Variants in TCF20 observed in about 807,000 individuals in gnomAD.
TCF20 encodes transcription factor 20.
In TCF20, 3 loss-of-function variants were observed where a neutral mutation model predicts 148.6. That is an observed-to-expected ratio of 0.02 (90% confidence interval 0.01 to 0.05). TCF20 has a LOEUF of 0.05. TCF20 is among the 10% of genes least tolerant of loss of function. TCF20 has a pLI of 1.00. For synonymous variants in TCF20, 1,049 were observed against 909.5 expected, an observed-to-expected ratio of 1.15 and a Z score of -2.76; for missense variants, 2,350 against 2,429.3, an observed-to-expected ratio of 0.97 and a Z score of 0.69.
intron 1 of TCF20, among the ~76,000 whole-genome samples, chr22:42,243,934 G>A (rs1252322611): frequency 2.0e-5 from 3 of 152,148 alleles, no homozygotes; most frequent in African/African-American, 7.2e-5. Context: ...TGATGATGTG[G>A]AGAGACTGGA....
At chr22:42,234,573 T>C (rs930734881) in intron 1 of TCF20, among the ~76,000 whole-genome samples, 8 of 152,126 alleles carry the variant, frequency 5.3e-5, no homozygotes, top group Admixed American at 3.9e-4. Context: ...AATTCCAAAA[T>C]ACCAAGAAAC....
intron 1 of TCF20, among the ~76,000 whole-genome samples, chr22:42,236,757 G>C (rs1409223051): frequency 6.6e-6 from 1 of 152,184 alleles, no homozygotes; most frequent in Admixed American, 6.5e-5. Flanking sequence ...TCTGGTTCCA[G>C]ACCGTGGCAA....
chr22:42,169,751 G>A lies in TCF20; in HGVS notation c.5799+96C>T, dbSNP rs529563165. The A allele has an allele frequency of 2.0e-5, 26 of 1,316,904 alleles. No individual in the cohort carries two copies. The East Asian group carries it at 4.6e-4, about 23-fold the overall frequency. The allele number at this position is 1,316,904 out of a possible 1,614,324, so 81.6% of individuals were successfully genotyped here. A position where few individuals can be genotyped will look rare whatever the true frequency, so the allele number is the denominator to read the frequency against. Reference sequence around the variant, plus strand: ...GCCGGAGGCACAGGTGGGGACAGGTGTGGGTGAGGCCCACCAACACCTGGT... The same window carrying A: ...GCCGGAGGCACAGGTGGGGACAGGTATGGGTGAGGCCCACCAACACCTGGT... On this transcript the variant is annotated intron_variant, in intron 4 of 5. Coordinates refer to ENST00000677622, the MANE Select transcript of TCF20 (RefSeq NM_001378418.1).
At chr22:42,196,897 C>A (rs1937621764) in intron 2 of TCF20, among the ~76,000 whole-genome samples, 1 of 152,108 alleles carries the variant, frequency 6.6e-6, no homozygotes, top group South Asian at 2.1e-4. Flanking sequence ...TTCTGTTGAC[C>A]CTGGTATTGT....
At chr22:42,173,399 G>A (rs573493626) in intron 3 of TCF20, among the ~76,000 whole-genome samples, 2 of 152,242 alleles carry the variant, frequency 1.3e-5, no homozygotes, top group East Asian at 3.9e-4. Context: ...GGTGGCAGGA[G>A]TCACAGATCA....
chr22:42,162,364 G>T (rs955647990), intron 5 of TCF20, among the ~76,000 whole-genome samples: 1 of 152,056 alleles, frequency 6.6e-6, no homozygotes, highest in Non-Finnish European at 1.5e-5. Context: ...GACAGAGCTG[G>T]ACTATGTTAA....
intron 1 of TCF20, among the ~76,000 whole-genome samples, chr22:42,307,048 A>T (rs2065687768): frequency 1.3e-5 from 2 of 150,916 alleles, no homozygotes; most frequent in African/African-American, 4.9e-5. Flanking sequence ...TAAAAAAAAA[A>T]AAAAAAAAAA....
In TCF20 at chr22:42,297,889, C is replaced by G. The variant is rs1470117206; in HGVS notation, c.-37+45590G>C. On this transcript the variant is annotated intron_variant, in intron 1 of 1. Transcript: ENST00000515426. The surrounding 1 kb of genome is among the most constrained non-coding windows in gnomAD (Gnocchi z 4.3). ...GGTTCACAGCAGGGCTCCTCTCTGGCACCCATGCAGAGCAGGCAAGGATGA... is the reference window on the plus strand; with the variant it reads ...GGTTCACAGCAGGGCTCCTCTCTGGGACCCATGCAGAGCAGGCAAGGATGA... Among the ~76,000 whole-genome samples the G allele has an allele frequency of 6.6e-6, 1 of 152,172 alleles. No individual in the cohort carries two copies. The highest frequency in any genetic ancestry group is 2.1e-4 in the South Asian group (1 of 4,832).
In TCF20 at chr22:42,213,669, G is replaced by T; in HGVS notation, c.1637C>A (p.Thr546Asn). The change falls in exon 2 of 6, where the codon ACC becomes AAC. Residue 546 changes from threonine to asparagine, a missense_variant. Thr to Asn is a moderately conservative substitution (Grantham distance 65). Transcript: ENST00000677622. ...CTCAGAGGCTCCACCCTTGTAGGTGGTGTCAGAGCTGGTGCTCTGGCCACT... is the reference window on the plus strand; with the variant it reads ...CTCAGAGGCTCCACCCTTGTAGGTGTTGTCAGAGCTGGTGCTCTGGCCACT... Reference protein sequence around the residue: ...QLSGQSTSSDTTYKGGASEKA... With the variant: ...QLSGQSTSSDNTYKGGASEKA... The T allele has an allele frequency of 6.2e-7, 1 of 1,614,118 alleles. No individual in the cohort carries two copies. The highest frequency in any genetic ancestry group is 8.5e-7 in the Non-Finnish European group (1 of 1,179,994).
intron 1 of TCF20, chr22:42,278,965 C>T (rs1477500527): frequency 6.6e-6 from 1 of 152,268 alleles, no homozygotes; most frequent in African/African-American, 2.4e-5. Context: ...GTATCTTCCT[C>T]AGCAGACATG....
chr22:42,169,912 G>A lies in TCF20; in HGVS notation c.5750-16C>T. 1 of 1,613,070 alleles carries A rather than the reference G, an allele frequency of 6.2e-7. No homozygotes were observed. Among genetic ancestry groups the A allele is most frequent in the South Asian group, 1.1e-5 (1 of 91,024 alleles). On this transcript the variant is annotated splice_polypyrimidine_tract_variant and intron_variant, in intron 3 of 5. Coordinates refer to ENST00000677622, the MANE Select transcript of TCF20 (RefSeq NM_001378418.1). ...AGCAAACAATCTGGAAGACAGAAGG[G>A]GACAGTCAGATGGAGACTTCACAGC... is the stretch of plus-strand genomic sequence containing the variant.
intron 1 of TCF20, 141 bp from the exon 2 acceptor site, chr22:42,215,482 T>G: frequency 8.7e-7 from 1 of 1,148,666 alleles, no homozygotes; most frequent in Non-Finnish European, 1.2e-6. Context: ...TTTTTTTTGG[T>G]TTTTTGAGAC....
At chr22:42,268,994 C>T (rs1290759152) in intron 1 of TCF20, among the ~76,000 whole-genome samples, 1 of 152,304 alleles carries the variant, frequency 6.6e-6, no homozygotes, top group East Asian at 1.9e-4. Context: ...AACCCCTGTA[C>T]CGTCTGACCC....
upstream of TCF20, among the ~76,000 whole-genome samples, chr22:42,285,176 G>A (rs557137179): frequency 2.4e-4 from 37 of 152,294 alleles, no homozygotes; most frequent in South Asian, 2.5e-3. The surrounding 1 kb of genome is among the most constrained non-coding windows in gnomAD (Gnocchi z 4.2). Context: ...CTGGTGCCAC[G>A]GGGCAGCTGG....
chr22:42,175,141 A>G (rs984592235), intron 3 of TCF20, among the ~76,000 whole-genome samples: 7 of 152,206 alleles, frequency 4.6e-5, no homozygotes, highest in African/African-American at 1.7e-4. Context: ...ACACAATATT[A>G]CGATGTAACT....
rs569976836 is a variant in TCF20 at position 42,268,745 on chromosome 22, T to C, written c.-37+1594A>G. On this transcript the variant is annotated intron_variant, in intron 1 of 5. Transcript: ENST00000677622. ...ACTTCTTTCACAAAGACAAAAAATA[T>C]GTTAAGGTGCATTCCACCTAGGTCA... Among the ~76,000 whole-genome samples, 11 of 152,296 alleles carry C rather than the reference T, an allele frequency of 7.2e-5. No individual in the cohort carries two copies. The East Asian group carries it at 9.6e-4, about 13-fold the overall frequency.
intron 1 of TCF20, among the ~76,000 whole-genome samples, chr22:42,229,058 G>A (rs571274461): frequency 1.3e-5 from 2 of 152,240 alleles, no homozygotes; most frequent in African/African-American, 2.4e-5. Flanking sequence ...CTAACTTGGA[G>A]TGACTGATCC....
chr22:42,283,573 C>T (rs897902599), intron 1 of TCF20, among the ~76,000 whole-genome samples: 2 of 152,170 alleles, frequency 1.3e-5, no homozygotes, highest in Non-Finnish European at 2.9e-5. Context: ...CGCCTCCCCG[C>T]CCTCCATCGC....
chr22:42,248,877 T>C (rs1032018291), intron 1 of TCF20, among the ~76,000 whole-genome samples: 12 of 152,172 alleles, frequency 7.9e-5, no homozygotes, highest in Admixed American at 3.3e-4. Context: ...TTGCCGAGGA[T>C]AGATTTGTGG....
Sources: allele counts gnomAD v4.1 joint callset (sites outside exome capture counted in the v4.1 genomes callset), GRCh38; gene constraint gnomAD v4.1.1; non-coding constraint Gnocchi (gnomAD v3.1); transcripts MANE v1.5; gene names NCBI Gene and HGNC (gene_info 2026-07-23, HGNC 2026-07-21).